LNX1: variants seen among roughly 807,000 people sequenced by gnomAD.
The protein encoded by LNX1 is ligand of numb-protein X 1.
Under a neutral mutation model 68.4 loss-of-function variants are expected in LNX1, and 54 were observed. The ratio of observed to expected loss-of-function variants is 0.79; its 90% CI spans 0.63 to 0.99. The LOEUF is 0.99. Ranked by LOEUF, LNX1 falls within the 50% of genes least tolerant of loss-of-function variation. The probability of loss-of-function intolerance (pLI) is 0.00; values close to 1 mark genes in which losing one functional copy is unlikely to be tolerated. For synonymous variants in LNX1, 336 were observed against 350.0 expected, an observed-to-expected ratio of 0.96 and a Z score of 0.45; for missense variants, 906 against 926.4, an observed-to-expected ratio of 0.98 and a Z score of 0.29.
chr4:53,612,111 G>A (rs1733519885), intron 2 of LNX1, among the ~76,000 whole-genome samples: 1 of 152,148 alleles, frequency 6.6e-6, no homozygotes, highest in Non-Finnish European at 1.5e-5. Context: ...ACATACGAAG[G>A]GTTGAGAAAC....
chr4:53,627,308 C>T (rs1243392149), intron 1 of LNX1, among the ~76,000 whole-genome samples: 2 of 152,170 alleles, frequency 1.3e-5, no homozygotes, highest in African/African-American at 2.4e-5. Context: ...CAGGGTGGTC[C>T]TCAGTATGTG....
chr4:53,562,898 A>G (rs1205056577), intron 2 of LNX1, among the ~76,000 whole-genome samples: 3 of 152,220 alleles, frequency 2.0e-5, no homozygotes, highest in Non-Finnish European at 4.4e-5. Context: ...CATATACAAT[A>G]TGTATTTGTC....
At chr4:53,558,249 C>T in intron 2 of LNX1, 1 of 1,225,466 alleles carries the variant, frequency 8.2e-7, no homozygotes, top group Non-Finnish European at 1.0e-6. Context: ...AGGAAAGGAA[C>T]CAGCCCCTCC....
At chr4:53,506,621 G>A (rs1391365818) in intron 4 of LNX1, among the ~76,000 whole-genome samples, 6 of 151,932 alleles carry the variant, frequency 3.9e-5, no homozygotes, top group Non-Finnish European at 5.9e-5. Flanking sequence ...TTGAGAGGCC[G>A]AGGTGGGTGG....
chr4:53,570,409 C>G (rs1416573192), intron 2 of LNX1, among the ~76,000 whole-genome samples: 6 of 145,668 alleles, frequency 4.1e-5, no homozygotes, highest in Non-Finnish European at 6.0e-5. Context: ...TAAACTATCA[C>G]AAGAACAAAA....
At chr4:53,620,518 T>C (rs996888061), upstream of LNX1, among the ~76,000 whole-genome samples, 7 of 152,078 alleles carry the variant, frequency 4.6e-5, no homozygotes, top group African/African-American at 1.7e-4. Context: ...GTGTTAGGTG[T>C]TGGGTGCATT....
At chr4:53,463,067 A>C (rs1458101602) in intron 9 of LNX1, among the ~76,000 whole-genome samples, 1 of 152,152 alleles carries the variant, frequency 6.6e-6, no homozygotes, top group Non-Finnish European at 1.5e-5. Flanking sequence ...TCATGATCAA[A>C]TATCAGTTTT....
chr4:53,621,346 T>C (rs1223683255), upstream of LNX1, among the ~76,000 whole-genome samples: 1 of 152,210 alleles, frequency 6.6e-6, no homozygotes, highest in East Asian at 1.9e-4. Context: ...TCACGCTCAC[T>C]GTGGGGTTCT....
chr4:53,624,326 T>G (rs538723372), intron 1 of LNX1, among the ~76,000 whole-genome samples: 4 of 152,208 alleles, frequency 2.6e-5, no homozygotes, highest in African/African-American at 9.6e-5. Context: ...GGGGGCAATT[T>G]CCCCCATACT....
At chr4:53,577,159 CT>C (rs1731543558) in intron 1 of LNX1, among the ~76,000 whole-genome samples, 1 of 152,120 alleles carries the variant, frequency 6.6e-6, no homozygotes, top group Non-Finnish European at 1.5e-5. Context: ...ACAGGAAATA[CT>C]TTAAGTGACA....
At position 53,625,599 on chromosome 4, in the gene LNX1, C is replaced by T. The variant is rs181127292; in HGVS notation, c.-215+26569G>A. On this transcript the variant is annotated intron_variant, in intron 1 of 2. Transcript: ENST00000507168. ...ATTGCTTGGGCCCAGGAATTTGACACCAAACTGGGCAACATAGTGACACCC... is the reference window on the plus strand; with the variant it reads ...ATTGCTTGGGCCCAGGAATTTGACATCAAACTGGGCAACATAGTGACACCC... Among the ~76,000 whole-genome samples the T allele has an allele frequency of 8.0e-4, 121 of 152,148 alleles. No homozygotes were observed. In the Middle Eastern group the frequency reaches 0.01, roughly 13 times the overall value.
chr4:53,646,673 T>TA (rs1448426736), intron 1 of LNX1, among the ~76,000 whole-genome samples: 1 of 152,230 alleles, frequency 6.6e-6, no homozygotes, highest in Non-Finnish European at 1.5e-5. Context: ...GTAGCTAATA[T>TA]AAAAAATTAA....
At chr4:53,618,840 TA>T (rs138962898), upstream of LNX1, among the ~76,000 whole-genome samples, 6,184 of 152,196 alleles carry the variant, frequency 0.041, 398 homozygotes, top group African/African-American at 0.14. Context: ...ATGTCCCTTT[TA>T]AAAAAAATTT....
At chr4:53,643,814 AAAC>A (rs1734779111) in intron 1 of LNX1, among the ~76,000 whole-genome samples, 1 of 152,214 alleles carries the variant, frequency 6.6e-6, no homozygotes, top group Non-Finnish European at 1.5e-5. Context: ...TATGAAAATT[AAAC>A]AAGAGAAGTC....
At position 53,481,748 on chromosome 4, in the gene LNX1, C is replaced by T. The variant is rs753382157; in HGVS notation, c.1457G>A (p.Gly486Glu). Residue 486 changes from glycine (G) to glutamate (E), a missense_variant, in exon 7 of 11, where the codon GGG (glycine) becomes GAG (glutamate). Transcript: ENST00000263925. ...GGGAGTGTTGCTCCTCTCCCCTGGC[C>T]CTGGGGACCAGCTGCCATTGCTGTT... The part of the protein sequence containing the change: ...GWNSNGSWSP[G>E]PGERSNTPKP... 1.2e-6 allele frequency: 2 copies of T among 1,613,842 alleles called. No homozygotes were observed. The highest frequency in any genetic ancestry group is 1.7e-6 in the Non-Finnish European group (2 of 1,179,838).
intron 2 of LNX1, among the ~76,000 whole-genome samples, chr4:53,613,984 CGGCCCT>C (rs55641224): frequency 0.41 from 62,276 of 151,598 alleles, 12,745 homozygotes; most frequent in Admixed American, 0.45. Flanking sequence ...TATTTTTTGA[CGGCCCT>C]TTTTTGATAA....
chr4:53,624,095 C>T (rs1280989661), intron 1 of LNX1, among the ~76,000 whole-genome samples: 4 of 152,126 alleles, frequency 2.6e-5, no homozygotes, highest in East Asian at 1.9e-4. Context: ...GAGCTCTTTC[C>T]GTCTGTCCTC....
At chr4:53,462,449 G>A (rs953328526) in intron 9 of LNX1, among the ~76,000 whole-genome samples, 3 of 152,128 alleles carry the variant, frequency 2.0e-5, no homozygotes, top group East Asian at 3.9e-4. Context: ...GCTGTAGTCC[G>A]GGAATTGGTT....
chr4:53,555,335 A>T (rs1195793276), intron 2 of LNX1, among the ~76,000 whole-genome samples: 2 of 151,990 alleles, frequency 1.3e-5, no homozygotes, highest in African/African-American at 4.8e-5. Flanking sequence ...CCATCCCTGA[A>T]ATACTTCCTC....
Sources: gnomAD v4.1 joint callset for allele counts (sites outside exome capture counted in the v4.1 genomes callset) on GRCh38, gnomAD v4.1.1 for gene constraint, MANE v1.5 for transcripts, NCBI Gene and HGNC (gene_info 2026-07-23, HGNC 2026-07-21) for gene names.